UACA: variants seen among roughly 807,000 people sequenced by gnomAD.
UACA encodes uveal autoantigen with coiled-coil domains and ankyrin repeats, also known as nuclear membrane binding protein.
A neutral mutation model predicts 160.5 loss-of-function variants in UACA; 112 were observed. The ratio of observed to expected loss-of-function variants is 0.70; its 90% CI spans 0.60 to 0.82. The LOEUF is 0.82. UACA is among the 40% of genes least tolerant of loss of function. UACA has a pLI of 0.00. For synonymous variants in UACA, 557 were observed against 568.4 expected (o/e 0.98, Z 0.29); for missense variants, 1,574 against 1,614.6 (o/e 0.97, Z 0.43).
chr15:70,699,596 TC>T lies in UACA; in HGVS notation c.142del (p.Glu48LysfsTer3). 1 of 1,611,536 alleles carries T rather than the reference TC, an allele frequency of 6.2e-7. No homozygotes were observed. The highest frequency in any genetic ancestry group is 8.5e-7 in the Non-Finnish European group (1 of 1,179,394). On this transcript the variant is annotated frameshift_variant, in exon 2 of 19. Transcript: ENST00000322954. LOFTEE classifies it high-confidence loss of function. ...TTTAGCAAGGATTGAGGTCACTTTTTCTACATCCCCCCTTTCTGCTGCTTTC... is the reference window on the plus strand; with the variant it reads ...TTTAGCAAGGATTGAGGTCACTTTTTTACATCCCCCCTTTCTGCTGCTTTC... ...LMKAAERGDV[E>X]KVTSILAKKG...
intron 13 of UACA, among the ~76,000 whole-genome samples, chr15:70,673,417 A>C (rs1245031449): frequency 6.6e-6 from 1 of 152,242 alleles, no homozygotes; most frequent in Non-Finnish European, 1.5e-5. Context: ...ATGATAAAAC[A>C]GTCCACAATT....
At position 70,666,810 on chromosome 15, in the gene UACA, G is replaced by A. The variant is rs201043161; in HGVS notation, c.3874C>T (p.Arg1292Ter). Residue 1292 changes from arginine (R) to a stop codon, truncating the protein, a stop_gained, in exon 16 of 19, where the codon CGA becomes TGA. Coordinates refer to ENST00000322954, the MANE Select transcript of UACA (RefSeq NM_018003.4). LOFTEE classifies it high-confidence loss of function. ...IEQEIKDQKE[R>*]CDKSLTTITE... is the part of the protein sequence containing the mutation. ...ATTGTTGTTAAGGACTTATCACATC[G>A]TTCCTTCTGATCCTTAATTTCTTGC... is the stretch of plus-strand genomic sequence containing the variant. 25 of 1,613,492 alleles carry A rather than the reference G, an allele frequency of 1.5e-5. No homozygotes were observed. Among genetic ancestry groups the A allele is most frequent in the African/African-American group, 2.7e-5 (2 of 74,868 alleles).
intron 1 of UACA, among the ~76,000 whole-genome samples, chr15:70,700,638 T>C (rs1209971407): frequency 6.6e-6 from 1 of 152,032 alleles, no homozygotes; most frequent in Non-Finnish European, 1.5e-5. Flanking sequence ...CCTCTAACTT[T>C]AGAGAAAATA....
At position 70,667,572 on chromosome 15, in the gene UACA, A is replaced by G; in HGVS notation, c.3112T>C (p.Phe1038Leu). 1 of 1,613,012 alleles carries G rather than the reference A, an allele frequency of 6.2e-7. No homozygotes were observed. The highest frequency in any genetic ancestry group is 2.2e-5 in the East Asian group (1 of 44,868). The stretch of plus-strand genomic sequence containing the variant: ...TCTCTCAAATCTTTCTGAAGGGTAA[A>G]AATCTCCTTCTTTAACTTGTCATTC... The part of the protein sequence containing the change: ...QENDKLKKEI[F>L]TLQKDLRDKT... The change falls in exon 16 of 19, where the codon TTT (phenylalanine) becomes CTT (leucine). Residue 1038 changes from phenylalanine to leucine, a missense_variant. Phe to Leu is a conservative substitution (Grantham distance 22). Transcript: ENST00000322954.
upstream of UACA, among the ~76,000 whole-genome samples, chr15:70,765,263 A>AT (rs1486613221): frequency 2.0e-5 from 3 of 151,858 alleles, no homozygotes; most frequent in Non-Finnish European, 4.4e-5. Flanking sequence ...TTGGTAGGGG[A>AT]TGTCGGGGGC....
chr15:70,748,078 C>T (rs1294016069), intron 1 of UACA, among the ~76,000 whole-genome samples: 2 of 152,114 alleles, frequency 1.3e-5, no homozygotes, highest in Non-Finnish European at 2.9e-5. Context: ...TATACACCTA[C>T]ACCAAGCTAG....
chr15:70,703,052 TA>T, intron 1 of UACA: 1 of 1,262,804 alleles, frequency 7.9e-7, no homozygotes, highest in Non-Finnish European at 1.0e-6. Flanking sequence ...CGAGCTAGAC[TA>T]TTAAAAAAAT....
At chr15:70,737,131 G>A (rs1391195738) in intron 1 of UACA, among the ~76,000 whole-genome samples, 2 of 152,118 alleles carry the variant, frequency 1.3e-5, no homozygotes, top group Non-Finnish European at 2.9e-5. Flanking sequence ...TTACTGTTCT[G>A]AGCTGATAAC....
intron 18 of UACA, among the ~76,000 whole-genome samples, chr15:70,658,586 T>C (rs1209108860): frequency 1.3e-5 from 2 of 152,190 alleles, no homozygotes; most frequent in Non-Finnish European, 2.9e-5. Context: ...CCAAGTATCT[T>C]TTTTACATGC....
Position 70,667,021 on chromosome 15 carries a change from T to G in UACA, c.3663A>C (p.Arg1221Ser). 6.2e-7 allele frequency: 1 copy of G among 1,613,544 alleles called. No homozygotes were observed. The highest frequency in any genetic ancestry group is 2.2e-5 in the East Asian group (1 of 44,862). ...TATATTTAGACAAGTCAACTACCTC[T>G]CTAGTCTCTAATTTTTTTAATGCTT... ...TKQALKKLET[R>S]EVVDLSKYKA... The change falls in exon 16 of 19, where the codon AGA becomes AGC. Residue 1221 changes from arginine to serine, a missense_variant. By Grantham distance (110) the Arg-to-Ser change is moderately radical. Transcript: ENST00000322954.
intron 18 of UACA, among the ~76,000 whole-genome samples, chr15:70,659,145 T>G: frequency 6.6e-6 from 1 of 152,074 alleles, no homozygotes; most frequent in East Asian, 1.9e-4. Context: ...TGCAATAAAC[T>G]TTAAGATTCT....
intron 1 of UACA, among the ~76,000 whole-genome samples, chr15:70,713,004 GAAGA>G (rs1268679769): frequency 1.3e-5 from 2 of 152,164 alleles, no homozygotes; most frequent in Non-Finnish European, 2.9e-5. Context: ...ATGTTCTAAT[GAAGA>G]AAGATAAGTA....
intron 2 of UACA, among the ~76,000 whole-genome samples, chr15:70,697,370 C>T (rs765195019): frequency 3.3e-5 from 5 of 152,194 alleles, no homozygotes; most frequent in Admixed American, 1.3e-4. Flanking sequence ...TGGGGAGACA[C>T]AAACTGGAGT....
chr15:70,677,153 A>T lies in UACA; in HGVS notation c.1000-13T>A. 6.3e-7 allele frequency: 1 copy of T among 1,591,192 alleles called. No individual in the cohort carries two copies. ...CAACCATAACTTCCTAAATTTAAAA[A>T]GAACACAAAATATTTTAATTCTTAA... is the stretch of plus-strand genomic sequence containing the variant. On this transcript the variant is annotated splice_polypyrimidine_tract_variant and intron_variant, in intron 11 of 18. Coordinates refer to ENST00000322954, the MANE Select transcript of UACA (RefSeq NM_018003.4).
rs1896487451 is a variant in UACA, at chr15:70,656,836, T to C, written c.*220A>G. The C allele has an allele frequency of 2.3e-6, 1 of 432,086 alleles. No individual in the cohort carries two copies. Among genetic ancestry groups the C allele is most frequent in the African/African-American group, 2.0e-5 (1 of 50,320 alleles). 26.8% of individuals were successfully genotyped at this position (432,086 alleles called of 1,614,324 possible). ...CAATCCAGGGCAAAGTTATGTTGTT[T>C]GCCTATTTGTAAAATTAACACATAC... On this transcript the variant is annotated 3_prime_UTR_variant, in exon 19 of 19. Transcript: ENST00000322954.
At chr15:70,761,759 TCA>T (rs1413469021) in intron 1 of UACA, among the ~76,000 whole-genome samples, 16 of 152,228 alleles carry the variant, frequency 1.1e-4, no homozygotes, top group African/African-American at 3.6e-4. Flanking sequence ...AGATTTAAGC[TCA>T]GAGATATGCA....
chr15:70,714,316 G>C (rs1898766360), intron 1 of UACA, among the ~76,000 whole-genome samples: 1 of 152,130 alleles, frequency 6.6e-6, no homozygotes, highest in Non-Finnish European at 1.5e-5. Flanking sequence ...AATAGAAAAG[G>C]AAAAGAATGT....
rs763209812 is a variant in UACA at position 70,668,956 on chromosome 15, C to G, written c.1728G>C (p.Glu576Asp). Reference protein sequence around the residue: ...QIKQNEMIVEEFKRDEGKLIE... With the variant: ...QIKQNEMIVEDFKRDEGKLIE... ...TCAGCTTGCCTTCATCCCTCTTAAACTCTTCTACTATCATCTCATTTTGTT... is the reference window on the plus strand; with the variant it reads ...TCAGCTTGCCTTCATCCCTCTTAAAGTCTTCTACTATCATCTCATTTTGTT... Residue 576 changes from glutamate (E) to aspartate (D), a missense_variant, in exon 16 of 19, where the codon GAG becomes GAC. Physicochemically the swap from Glu to Asp is conservative, Grantham distance 45 (BLOSUM62 2). Transcript: ENST00000322954. The G allele has an allele frequency of 3.1e-6, 5 of 1,613,894 alleles. No individual in the cohort carries two copies. Among genetic ancestry groups the G allele is most frequent in the Non-Finnish European group, 3.4e-6 (4 of 1,180,012 alleles).
In UACA at chr15:70,667,619, T is replaced by A. The variant is rs377370063; in HGVS notation, c.3065A>T (p.Glu1022Val). The A allele has an allele frequency of 4.3e-6, 7 of 1,612,594 alleles. No homozygotes were observed. Among genetic ancestry groups the A allele is most frequent in the Middle Eastern group, 1.7e-4 (1 of 6,054 alleles). ...ATTCTCTTGCTTGTTTTTCTTGACT[T>A]CTTCTTCACTGACACTATACTTTTG... ...QTQKYSVSEE[E>V]VKKNKQENDK... Residue 1022 changes from glutamate (E) to valine (V), a missense_variant, in exon 16 of 19, where the codon GAA becomes GTA. Glu to Val is a moderately radical substitution (Grantham distance 121). Transcript: ENST00000322954.
Sources: allele counts gnomAD v4.1 joint callset (sites outside exome capture counted in the v4.1 genomes callset), GRCh38; gene constraint gnomAD v4.1.1; transcripts MANE v1.5; gene names NCBI Gene and HGNC (gene_info 2026-07-23, HGNC 2026-07-21).